The following PRKN variants were observed in gnomAD, a reference collection of about 807,000 sequenced individuals.
The protein encoded by PRKN is parkin RBR E3 ubiquitin protein ligase.
A neutral mutation model predicts 59.5 loss-of-function variants in PRKN; 56 were observed. That is an observed-to-expected ratio of 0.94 (90% CI 0.76 to 1.18). PRKN has a LOEUF of 1.18. Among genes scored for constraint, PRKN ranks in the 50% most tolerant of loss-of-function variants. The pLI is 0.00. For missense variants in PRKN, 657 were observed against 596.4 expected, an observed-to-expected ratio of 1.10 and a Z score of -1.06; for synonymous variants, 250 against 222.1, an observed-to-expected ratio of 1.13 and a Z score of -1.12.
intron 2 of PRKN, among the ~76,000 whole-genome samples, chr6:162,317,158 A>C (rs1030188719): frequency 6.6e-6 from 1 of 152,116 alleles, no homozygotes; most frequent in Non-Finnish European, 1.5e-5. Flanking sequence ...TTTCATATAT[A>C]GGTAATGATA....
rs1428681206 is a variant in PRKN, at chr6:162,458,298, T to C, written c.8-14825A>G. 7.0e-4 allele frequency among the ~76,000 whole-genome samples: 85 copies of C among 121,078 alleles called. 1 individual carries two copies. The highest frequency in any genetic ancestry group is 1.8e-3 in the African/African-American group (64 of 36,308). 79.4% of individuals were successfully genotyped at this position (121,078 alleles called of 152,430 possible). ...AAAATTACCTGGGTGTGGTGGCACG[T>C]GCCTGTAATCCCAGCTACTCAGGAG... On this transcript the variant is annotated intron_variant, in intron 1 of 11. Transcript: ENST00000366898.
At chr6:161,891,006 C>T (rs930091399) in intron 6 of PRKN, among the ~76,000 whole-genome samples, 2 of 152,122 alleles carry the variant, frequency 1.3e-5, no homozygotes, top group South Asian at 2.1e-4. Flanking sequence ...CAAGATACCC[C>T]GAGGGAGATT....
intron 7 of PRKN, among the ~76,000 whole-genome samples, chr6:161,573,023 T>G (rs1780950758): frequency 6.6e-6 from 1 of 152,204 alleles, no homozygotes; most frequent in Non-Finnish European, 1.5e-5. Context: ...CATAGTTTAG[T>G]TTCCTGAAAT....
At position 161,680,726 on chromosome 6, in the gene PRKN, CATATATATATATATATATATATATAT is replaced by C. The variant is rs56954052; in HGVS notation, c.871+105020_871+105045del. ...TGGGCTCTGAAAACATCCTGAAATA[CATATATATATATATATATATATATAT>C]ATATATATATATATATATATATATT... On this transcript the variant is annotated intron_variant, in intron 7 of 11. Coordinates refer to ENST00000366898, the MANE Select transcript of PRKN (RefSeq NM_004562.3). 8.8e-4 allele frequency among the ~76,000 whole-genome samples: 45 copies of C among 51,020 alleles called. 1 individual carries two copies. Among genetic ancestry groups the C allele is most frequent in the East Asian group, 7.1e-3 (14 of 1,976 alleles). The allele number at this position is 51,020 out of a possible 152,430, so 33.5% of individuals were successfully genotyped here. A position where few individuals can be genotyped will look rare whatever the true frequency, so the allele number is the denominator to read the frequency against.
intron 7 of PRKN, among the ~76,000 whole-genome samples, chr6:161,613,151 A>C (rs1321245298): frequency 6.6e-6 from 1 of 152,210 alleles, no homozygotes; most frequent in Non-Finnish European, 1.5e-5. Flanking sequence ...GTAGAAGGTC[A>C]AAATATCAAC....
chr6:162,225,440 A>G (rs1450651688), intron 3 of PRKN, among the ~76,000 whole-genome samples: 3 of 152,194 alleles, frequency 2.0e-5, no homozygotes, highest in African/African-American at 7.2e-5. Flanking sequence ...ATTGTGGTCT[A>G]TTTTTAAAGC....
At chr6:162,149,792 C>T (rs185190016) in intron 4 of PRKN, among the ~76,000 whole-genome samples, 1 of 152,204 alleles carries the variant, frequency 6.6e-6, no homozygotes, top group African/African-American at 2.4e-5. Flanking sequence ...GTCAGTGTCA[C>T]TAACGTGGAA....
rs13209308 is a variant in PRKN, at chr6:161,446,425, G to A, written c.1084-59548C>T. Among the ~76,000 whole-genome samples, 21,693 of 151,980 alleles carry A rather than the reference G, an allele frequency of 0.14. 1,993 individuals are homozygous for A. The highest frequency in any genetic ancestry group is 0.19 in the Non-Finnish European group (13,074 of 67,940). ...CCTGGCTTGGGACCTATGCAGCTGT[G>A]GGAGGGGAAAGGCCCTCCCCGCTAC... is the stretch of plus-strand genomic sequence containing the variant. On this transcript the variant is annotated intron_variant, in intron 9 of 11. Coordinates refer to ENST00000366898, the MANE Select transcript of PRKN (RefSeq NM_004562.3). The surrounding 1 kb of genome is among the most constrained non-coding windows in gnomAD (Gnocchi z 6.2).
At chr6:161,875,925 A>G (rs1419930976) in intron 6 of PRKN, among the ~76,000 whole-genome samples, 4 of 152,054 alleles carry the variant, frequency 2.6e-5, no homozygotes, top group Non-Finnish European at 4.4e-5. Context: ...GTAACCCATG[A>G]CTTTGACCTT....
intron 1 of PRKN, among the ~76,000 whole-genome samples, chr6:162,653,701 T>C (rs572790637): frequency 3.3e-5 from 5 of 152,282 alleles, no homozygotes; most frequent in African/African-American, 1.2e-4. Context: ...TTATAATATC[T>C]ACTTCACAGT....
At chr6:162,140,544 T>C (rs1168029434) in intron 4 of PRKN, among the ~76,000 whole-genome samples, 1 of 152,206 alleles carries the variant, frequency 6.6e-6, no homozygotes, top group Non-Finnish European at 1.5e-5. Flanking sequence ...ACCAGCTCTC[T>C]GCTTTTCCGG....
intron 2 of PRKN, among the ~76,000 whole-genome samples, chr6:162,315,868 G>A (rs913800077): frequency 6.6e-6 from 1 of 152,130 alleles, no homozygotes; most frequent in Non-Finnish European, 1.5e-5. Context: ...GACCAAGAAA[G>A]TATCTTACTT....
chr6:162,439,916 G>A (rs534558435), intron 2 of PRKN, among the ~76,000 whole-genome samples: 2 of 152,284 alleles, frequency 1.3e-5, no homozygotes, highest in East Asian at 3.9e-4. Flanking sequence ...TACTGGTAAA[G>A]TGTGAGGGGA....
intron 8 of PRKN, among the ~76,000 whole-genome samples, chr6:161,553,305 C>A (rs1780110587): frequency 6.6e-6 from 1 of 152,070 alleles, no homozygotes; most frequent in Admixed American, 6.5e-5. Context: ...GATAATTGGT[C>A]TATAGGCTTC....
intron 3 of PRKN, among the ~76,000 whole-genome samples, chr6:162,245,766 A>G (rs566942813): frequency 6.6e-6 from 1 of 152,034 alleles, no homozygotes; most frequent in Non-Finnish European, 1.5e-5. Context: ...ACAATAATCT[A>G]TTTCCCTTTG....
intron 6 of PRKN, among the ~76,000 whole-genome samples, chr6:161,897,984 A>AAAAAAAAAAAAAAAAACAAAAAAAAAT (rs1554244227): frequency 8.5e-6 from 1 of 117,614 alleles, no homozygotes; most frequent in African/African-American, 4.2e-5. Flanking sequence ...AAAAAAAAAA[A>AAAAAAAAAAAAAAAAACAAAAAAAAAT]GTCTCCCAGT....
At chr6:162,514,652 A>G (rs7755989) in intron 1 of PRKN, among the ~76,000 whole-genome samples, 13,739 of 152,162 alleles carry the variant, frequency 0.09, 669 homozygotes, top group South Asian at 0.17. Context: ...AGTTCTGGCC[A>G]GGCATGGTGG....
At chr6:162,211,829 T>C (rs1293132767) in intron 3 of PRKN, among the ~76,000 whole-genome samples, 2 of 152,168 alleles carry the variant, frequency 1.3e-5, no homozygotes, top group Non-Finnish European at 2.9e-5. Flanking sequence ...ATTTCTAGTA[T>C]TGATTTCCAA....
chr6:161,976,612 G>T (rs889896331), intron 5 of PRKN, among the ~76,000 whole-genome samples: 85 of 152,268 alleles, frequency 5.6e-4, no homozygotes, highest in African/African-American at 1.9e-3. Context: ...CAGCTCAAGG[G>T]TATTGAGAAA....
Sources: gnomAD v4.1 joint callset for allele counts (sites outside exome capture counted in the v4.1 genomes callset) on GRCh38, gnomAD v4.1.1 for gene constraint, Gnocchi (gnomAD v3.1) non-coding constraint, MANE v1.5 for transcripts, NCBI Gene and HGNC (gene_info 2026-07-23, HGNC 2026-07-21) for gene names.